Variants in ENKUR observed in about 807,000 individuals in gnomAD.
ENKUR encodes the protein enkurin, TRPC channel interacting protein.
Under a neutral mutation model 27.6 loss-of-function variants are expected in ENKUR, and 19 were observed. The ratio of observed to expected loss-of-function variants is 0.69; its 90% CI spans 0.48 to 1.01. The LOEUF (loss-of-function observed/expected upper bound fraction) is 1.01, where lower values mean the gene tolerates loss of function less well. Among genes scored for constraint, ENKUR ranks in the 50% least tolerant of loss-of-function variants. The pLI is 0.00. For synonymous variants in ENKUR, 117 were observed against 96.9 expected (o/e 1.21, Z -1.22); for missense variants, 312 against 310.5 (o/e 1.00, Z -0.04).
At chr10:25,061,143 C>T in exon 2 of ENKUR, 1 of 1,536,118 alleles carries the variant, frequency 6.5e-7, no homozygotes, top group Non-Finnish European at 8.7e-7. Flanking sequence ...CCCGCTCTGT[C>T]TTCATGCTCC....
chr10:24,998,575 G>T (rs797022044), intron 2 of ENKUR, among the ~76,000 whole-genome samples: 30 of 151,930 alleles, frequency 2.0e-4, no homozygotes, highest in African/African-American at 7.0e-4. Flanking sequence ...TACGGACGGG[G>T]TCTTGCTTTG....
chr10:25,046,168 G>A (rs1349545341), intron 2 of ENKUR, among the ~76,000 whole-genome samples: 2 of 152,138 alleles, frequency 1.3e-5, no homozygotes, highest in African/African-American at 4.8e-5. Context: ...AACTCAATCT[G>A]GCTGTTTTCT....
At chr10:25,031,131 A>G (rs1461434212) in intron 2 of ENKUR, among the ~76,000 whole-genome samples, 2 of 152,206 alleles carry the variant, frequency 1.3e-5, no homozygotes, top group Non-Finnish European at 2.9e-5. Context: ...GTAAAAAATA[A>G]TAAATAATTA....
chr10:25,004,155 C>G (rs1850258193), intron 1 of ENKUR, among the ~76,000 whole-genome samples: 1 of 152,118 alleles, frequency 6.6e-6, no homozygotes. Context: ...TATGTATCAC[C>G]TTTTCTTTAT....
chr10:25,048,520 A>T (rs1249988953), intron 2 of ENKUR, among the ~76,000 whole-genome samples: 1 of 152,010 alleles, frequency 6.6e-6, no homozygotes, highest in African/African-American at 2.4e-5. Context: ...CAAGGTCTCC[A>T]TGGGGAAGCA....
chr10:25,051,822 T>C (rs1476836947), intron 2 of ENKUR, among the ~76,000 whole-genome samples: 1 of 151,940 alleles, frequency 6.6e-6, no homozygotes, highest in Non-Finnish European at 1.5e-5. Flanking sequence ...GAACGAGGAG[T>C]ACAGAGGCTA....
chr10:25,002,922 T>TAAA (rs563695697), intron 1 of ENKUR, among the ~76,000 whole-genome samples: 19 of 147,250 alleles, frequency 1.3e-4, no homozygotes, highest in African/African-American at 4.7e-4. Context: ...TCATTTGGGG[T>TAAA]AAAAAAAAAA....
At chr10:25,016,362 G>A (rs114402841), upstream of ENKUR, among the ~76,000 whole-genome samples, 89 of 152,306 alleles carry the variant, frequency 5.8e-4, no homozygotes, top group African/African-American at 2.0e-3. Context: ...CTGTGTATCT[G>A]GGGAAAAAAG....
At chr10:25,007,072 G>A (rs1218488075) in intron 1 of ENKUR, among the ~76,000 whole-genome samples, 1 of 152,088 alleles carries the variant, frequency 6.6e-6, no homozygotes, top group Non-Finnish European at 1.5e-5. Context: ...CCCTTTACTT[G>A]ATTTTACCTG....
At chr10:25,002,879 G>A (rs563508812) in intron 1 of ENKUR, among the ~76,000 whole-genome samples, 2 of 151,906 alleles carry the variant, frequency 1.3e-5, no homozygotes, top group African/African-American at 4.8e-5. Context: ...AGTTGGGGCT[G>A]GCAGATATGG....
intron 1 of ENKUR, among the ~76,000 whole-genome samples, 198 bp from the exon 2 acceptor site, chr10:24,999,744 G>C (rs1160317391): frequency 6.6e-6 from 1 of 152,170 alleles, no homozygotes; most frequent in African/African-American, 2.4e-5. Context: ...CTAAGAAAGA[G>C]GTGCTAGGGC....
chr10:25,060,744 G>C (rs1481453378), intron 2 of ENKUR, among the ~76,000 whole-genome samples: 2 of 152,162 alleles, frequency 1.3e-5, no homozygotes, highest in African/African-American at 4.8e-5. Flanking sequence ...GTCTTACTCT[G>C]TTGCCCAGGC....
intron 1 of ENKUR, among the ~76,000 whole-genome samples, chr10:25,014,054 T>C (rs1374414984): frequency 6.6e-6 from 1 of 152,226 alleles, no homozygotes; most frequent in East Asian, 1.9e-4. Context: ...GACTTCCCAT[T>C]GACTCTGAGG....
chr10:25,061,116 G>C, exon 2 of ENKUR: 1 of 1,536,010 alleles, frequency 6.5e-7, no homozygotes, highest in Non-Finnish European at 8.7e-7. Flanking sequence ...TATTACCTGG[G>C]GAGCCACCTC....
At chr10:25,006,601 T>C (rs1850319302) in intron 1 of ENKUR, among the ~76,000 whole-genome samples, 1 of 152,208 alleles carries the variant, frequency 6.6e-6, no homozygotes, top group Admixed American at 6.5e-5. Flanking sequence ...CTACCTTACT[T>C]TTCTATCATA....
intron 2 of ENKUR, among the ~76,000 whole-genome samples, chr10:25,053,051 G>A (rs1851205341): frequency 6.7e-6 from 1 of 148,602 alleles, no homozygotes; most frequent in East Asian, 2.0e-4. Context: ...TTACAGGCAT[G>A]AGCCACCACA....
chr10:25,015,969 CACA>C lies in ENKUR; in HGVS notation c.-36_-34del. 6.3e-7 allele frequency: 1 copy of C among 1,589,948 alleles called. No individual in the cohort carries two copies. The highest frequency in any genetic ancestry group is 8.6e-7 in the Non-Finnish European group (1 of 1,169,148). On this transcript the variant is annotated 5_prime_UTR_variant, in exon 1 of 6. Coordinates refer to ENST00000331161, the MANE Select transcript of ENKUR (RefSeq NM_145010.4). ...AAATGACTCCTTAAAAGCTACTCTC[CACA>C]ACTTTTTTCTCCCTGTCCCAGTATC...
chr10:25,022,592 A>G (rs867350563), intron 2 of ENKUR, among the ~76,000 whole-genome samples: 4 of 152,334 alleles, frequency 2.6e-5, no homozygotes, highest in South Asian at 2.1e-4. Context: ...AGTTTGGAAA[A>G]CTAAGCATTT....
chr10:25,001,191 C>T (rs2132699095), intron 1 of ENKUR, among the ~76,000 whole-genome samples: 1 of 151,914 alleles, frequency 6.6e-6, no homozygotes, highest in Non-Finnish European at 1.5e-5. Flanking sequence ...TAACTGGTAC[C>T]ATTCCTTCTC....
Sources: allele counts gnomAD v4.1 joint callset (sites outside exome capture counted in the v4.1 genomes callset), GRCh38; gene constraint gnomAD v4.1.1; transcripts MANE v1.5; gene names NCBI Gene and HGNC (gene_info 2026-07-23, HGNC 2026-07-21).